GATA4: variants seen among roughly 807,000 people sequenced by gnomAD.
GATA4 encodes transcription factor GATA-4.
GATA4 carries 7 observed loss-of-function variants against 37.9 expected under a neutral mutation model. The observed-to-expected ratio is 0.18, with a 90% CI of 0.11 to 0.35. The LOEUF (loss-of-function observed/expected upper bound fraction) is 0.35, where lower values mean the gene tolerates loss of function less well. Among genes scored for constraint, GATA4 ranks in the 10% least tolerant of loss-of-function variants. The pLI is 1.00. For synonymous variants in GATA4, 372 were observed against 292.6 expected, an observed-to-expected ratio of 1.27 and a Z score of -2.77; for missense variants, 647 against 653.0, an observed-to-expected ratio of 0.99 and a Z score of 0.10.
chr8:11,713,987 T>C (rs780781009), intron 2 of GATA4, among the ~76,000 whole-genome samples: 1 of 152,236 alleles, frequency 6.6e-6, no homozygotes, highest in Admixed American at 6.5e-5. Flanking sequence ...GAGTCTTTTA[T>C]TGCATGTACA....
At chr8:11,740,562 A>G (rs901910786) in intron 2 of GATA4, among the ~76,000 whole-genome samples, 6 of 152,182 alleles carry the variant, frequency 3.9e-5, no homozygotes, top group Non-Finnish European at 8.8e-5. Flanking sequence ...TCCCACATGG[A>G]GGCCCCCATG....
At chr8:11,681,228 C>G (rs1209380375) in intron 1 of GATA4, 2 of 985,234 alleles carry the variant, frequency 2.0e-6, no homozygotes, top group Non-Finnish European at 2.4e-6. Flanking sequence ...GATTTCTCGA[C>G]GTTTGGGGAC....
chr8:11,714,114 G>C lies in GATA4; in HGVS notation c.616+5186G>C, dbSNP rs1014922057. On this transcript the variant is annotated intron_variant, in intron 2 of 6. Transcript: ENST00000532059. ...ATGCCTTGACGGATATATGGTGGTA[G>C]GTGTTACTGGAAAGGCTAGGAAAAT... Among the ~76,000 whole-genome samples, 10 of 152,190 alleles carry C rather than the reference G, an allele frequency of 6.6e-5. No individual in the cohort carries two copies. In the South Asian group the frequency reaches 1.9e-3, roughly 28 times the overall value.
At chr8:11,683,038 T>G (rs1585546162) in intron 1 of GATA4, 1 of 984,748 alleles carries the variant, frequency 1.0e-6, no homozygotes, top group Non-Finnish European at 1.2e-6. Flanking sequence ...TGCGCGGGGG[T>G]TTCTCGACAG....
At chr8:11,679,916 T>C (rs1019401292) in intron 1 of GATA4, among the ~76,000 whole-genome samples, 1 of 152,230 alleles carries the variant, frequency 6.6e-6, no homozygotes, top group Non-Finnish European at 1.5e-5. Flanking sequence ...ATCCCTGTTG[T>C]GTGTCGCCGA....
chr8:11,706,067 G>A (rs1799877036), intron 1 of GATA4: 1 of 152,148 alleles, frequency 6.6e-6, no homozygotes, highest in Admixed American at 6.5e-5. Flanking sequence ...TATTTTCAAA[G>A]GGAAAAGTTG....
chr8:11,734,084 G>C (rs765934722), intron 2 of GATA4, among the ~76,000 whole-genome samples: 24 of 152,150 alleles, frequency 1.6e-4, no homozygotes, highest in Non-Finnish European at 2.8e-4. Flanking sequence ...GTTTGTTACA[G>C]CATAACAGCT....
At position 11,758,803 on chromosome 8, in the gene GATA4, G is replaced by T; in HGVS notation, c.*328G>T. ...GCCTAGACCGTGGGTTTTGCATTGT[G>T]TTTCTAGCACCGAGGATCTGAGAAC... On this transcript the variant is annotated 3_prime_UTR_variant, in exon 7 of 7. Transcript: ENST00000532059. 1 of 388,362 alleles carries T rather than the reference G, an allele frequency of 2.6e-6. No homozygotes were observed. The highest frequency in any genetic ancestry group is 4.9e-6 in the Non-Finnish European group (1 of 203,484). 24.1% of individuals were successfully genotyped at this position (388,362 alleles called of 1,614,324 possible). A position where few individuals can be genotyped will look rare whatever the true frequency, so the allele number is the denominator to read the frequency against.
chr8:11,727,798 G>A (rs1018396548), intron 2 of GATA4, among the ~76,000 whole-genome samples: 7 of 151,740 alleles, frequency 4.6e-5, no homozygotes, highest in African/African-American at 1.7e-4. Flanking sequence ...CCGTGATCTA[G>A]CCTGGGTGAC....
chr8:11,679,852 A>G (rs1798897933), intron 1 of GATA4, among the ~76,000 whole-genome samples: 2 of 152,244 alleles, frequency 1.3e-5, no homozygotes, highest in African/African-American at 4.8e-5. Flanking sequence ...AGTGTCCCTA[A>G]GAGGGGAAAA....
intron 1 of GATA4, among the ~76,000 whole-genome samples, chr8:11,686,242 G>C (rs1456358104): frequency 6.6e-6 from 1 of 150,376 alleles, no homozygotes; most frequent in Non-Finnish European, 1.5e-5. Context: ...TCTTAATGTA[G>C]CACATCCCAG....
chr8:11,742,749 T>C (rs974691698), intron 2 of GATA4, among the ~76,000 whole-genome samples: 4 of 152,238 alleles, frequency 2.6e-5, no homozygotes, highest in East Asian at 3.8e-4. Context: ...CAGGAAAACC[T>C]CAGGCTTTGT....
At chr8:11,739,211 G>A (rs1801603620) in intron 2 of GATA4, among the ~76,000 whole-genome samples, 1 of 152,194 alleles carries the variant, frequency 6.6e-6, no homozygotes, top group African/African-American at 2.4e-5. Flanking sequence ...TTTAAACCAT[G>A]TTACAGGAAG....
chr8:11,742,383 TG>T (rs67120440), intron 2 of GATA4, among the ~76,000 whole-genome samples: 39,125 of 130,668 alleles, frequency 0.3, 6,703 homozygotes, highest in Non-Finnish European at 0.4. Flanking sequence ...TTTGGTGTTT[TG>T]TTTTTTTTTT....
chr8:11,692,694 G>T (rs1799356698), intron 1 of GATA4: 1 of 985,108 alleles, frequency 1.0e-6, no homozygotes, highest in African/African-American at 1.7e-5. Flanking sequence ...AGGGGTGCGG[G>T]GCTGCTCCGT....
intron 4 of GATA4, among the ~76,000 whole-genome samples, chr8:11,752,494 C>G (rs1476193654): frequency 2.0e-5 from 3 of 152,174 alleles, no homozygotes; most frequent in African/African-American, 4.8e-5. Context: ...GACTTACTCA[C>G]TATAGTGAGA....
chr8:11,737,259 A>G (rs909882736), intron 2 of GATA4, among the ~76,000 whole-genome samples: 2 of 152,060 alleles, frequency 1.3e-5, no homozygotes, highest in Non-Finnish European at 2.9e-5. Context: ...ATTCAGGGCA[A>G]TAAAGAGGTC....
chr8:11,702,469 C>T (rs1171667838), upstream of GATA4, among the ~76,000 whole-genome samples: 3 of 151,756 alleles, frequency 2.0e-5, no homozygotes, highest in Non-Finnish European at 4.4e-5. This position sits in a 1 kb window ranked among gnomAD's most constrained non-coding sequence, Gnocchi z 4.4. Context: ...CTCTCTCGCT[C>T]GCCCCCCACG....
intron 4 of GATA4, among the ~76,000 whole-genome samples, chr8:11,754,067 T>C (rs1802435317): frequency 6.6e-6 from 1 of 152,210 alleles, no homozygotes; most frequent in Admixed American, 6.5e-5. Flanking sequence ...AGTCTCTTAC[T>C]GCTCCCCACC....
Sources: allele counts gnomAD v4.1 joint callset (sites outside exome capture counted in the v4.1 genomes callset), GRCh38; gene constraint gnomAD v4.1.1; non-coding constraint Gnocchi (gnomAD v3.1); transcripts MANE v1.5; gene names NCBI Gene and HGNC (gene_info 2026-07-23, HGNC 2026-07-21).